SVOPL: variants seen among roughly 807,000 people sequenced by gnomAD.
The protein encoded by SVOPL is SVOP like, also known as putative transporter SVOPL.
SVOPL carries 60 observed loss-of-function variants against 61.0 expected under a neutral mutation model. The observed-to-expected ratio is 0.98, with a 90% CI of 0.80 to 1.22. The LOEUF is 1.22. Among genes scored for constraint, SVOPL ranks in the 50% most tolerant of loss-of-function variants. The pLI is 0.00. For missense variants in SVOPL, 662 were observed against 643.9 expected, an observed-to-expected ratio of 1.03 and a Z score of -0.30; for synonymous variants, 279 against 250.0, an observed-to-expected ratio of 1.12 and a Z score of -1.09.
At chr7:138,659,492 G>GAAAA (rs11295502) in intron 6 of SVOPL, among the ~76,000 whole-genome samples, 1 of 140,112 alleles carries the variant, frequency 7.1e-6, no homozygotes. Flanking sequence ...ACTCTATCTC[G>GAAAA]AAAAAAAAAA....
chr7:138,656,473 C>G lies in SVOPL; in HGVS notation c.509G>C (p.Arg170Pro). 6.2e-7 allele frequency: 1 copy of G among 1,613,912 alleles called. No individual in the cohort carries two copies. The highest frequency in any genetic ancestry group is 8.5e-7 in the Non-Finnish European group (1 of 1,179,976). Residue 170 changes from arginine to proline, a missense_variant, in exon 7 of 16, where the codon CGA becomes CCA. By Grantham distance (103) the Arg-to-Pro change is moderately radical. Transcript: ENST00000674285. The part of the protein sequence containing the change: ...IKTEFLPTKY[R>P]GYMLPLSQVF... ...CTGAGACAAGGGTAACATATAGCCT[C>G]GGTATTTCGTGGGCAAAAATTCAGT...
chr7:138,661,008 A>G (rs1801977723), intron 5 of SVOPL: 1 of 982,950 alleles, frequency 1.0e-6, no homozygotes, highest in South Asian at 4.7e-5. Context: ...AAGTTTCTTG[A>G]TAATTTGTAT....
intron 7 of SVOPL, 87 bp from the exon 8 acceptor site, chr7:138,649,224 A>T (rs1801300657): frequency 6.9e-7 from 1 of 1,453,508 alleles, no homozygotes. Flanking sequence ...TTTTAGAAAG[A>T]TTAAAATTCC....
chr7:138,694,141 C>T (rs1803014272), intron 1 of SVOPL, among the ~76,000 whole-genome samples: 1 of 152,234 alleles, frequency 6.6e-6, no homozygotes, highest in Admixed American at 6.5e-5. Context: ...CATTGGATGA[C>T]AGAATTCTTG....
intron 5 of SVOPL, chr7:138,660,426 T>C (rs1801953218): frequency 2.0e-6 from 2 of 986,744 alleles, no homozygotes; most frequent in East Asian, 1.1e-4. Flanking sequence ...AATTAAGAAA[T>C]TGAAATCACC....
intron 1 of SVOPL, among the ~76,000 whole-genome samples, chr7:138,699,700 T>C (rs887886684): frequency 2.0e-5 from 3 of 152,184 alleles, no homozygotes; most frequent in African/African-American, 7.2e-5. Context: ...AAACTTCAGT[T>C]CTTCCAAAGG....
chr7:138,636,477 T>C (rs1232237238), intron 9 of SVOPL, among the ~76,000 whole-genome samples: 1 of 142,836 alleles, frequency 7.0e-6, no homozygotes, highest in Non-Finnish European at 1.5e-5. Context: ...AGGATTTTTC[T>C]TTTTTTTTTT....
At chr7:138,652,959 C>G (rs1005479993) in intron 7 of SVOPL, among the ~76,000 whole-genome samples, 3 of 152,126 alleles carry the variant, frequency 2.0e-5, no homozygotes, top group Admixed American at 6.6e-5. Context: ...AAGTGCTACC[C>G]CAGTGAACAA....
chr7:138,678,715 C>T (rs1376209465), intron 2 of SVOPL, among the ~76,000 whole-genome samples, 190 bp from the exon 3 acceptor site: 1 of 152,122 alleles, frequency 6.6e-6, no homozygotes, highest in East Asian at 1.9e-4. Context: ...AGATTACACA[C>T]ACCCACTGCC....
intron 14 of SVOPL, among the ~76,000 whole-genome samples, chr7:138,606,124 C>T (rs1443064700): frequency 1.3e-5 from 2 of 152,054 alleles, no homozygotes; most frequent in East Asian, 1.9e-4. Flanking sequence ...TCTATGCACA[C>T]GTCCTGGTCC....
At chr7:138,625,865 T>C (rs1799867822) in intron 13 of SVOPL, 104 bp downstream of exon 13, 2 of 1,122,974 alleles carry the variant, frequency 1.8e-6, no homozygotes, top group Non-Finnish European at 2.5e-6. Flanking sequence ...TTTTAGAAAA[T>C]CATCAAAAGT....
chr7:138,687,228 C>CTTTTTT (rs71179722), intron 1 of SVOPL, among the ~76,000 whole-genome samples: 74 of 77,006 alleles, frequency 9.6e-4, no homozygotes, highest in Non-Finnish European at 1.1e-3. Flanking sequence ...CTTTTTTCCT[C>CTTTTTT]TTTTTTTTTT....
At chr7:138,677,430 T>C (rs1267342251) in intron 3 of SVOPL, among the ~76,000 whole-genome samples, 1 of 152,208 alleles carries the variant, frequency 6.6e-6, no homozygotes, top group African/African-American at 2.4e-5. Flanking sequence ...ATTAACCCTA[T>C]AGATCGTGAC....
chr7:138,630,391 T>C (rs1584803842), intron 9 of SVOPL, among the ~76,000 whole-genome samples: 1 of 152,152 alleles, frequency 6.6e-6, no homozygotes, highest in East Asian at 1.9e-4. Context: ...TTGCTCTTCC[T>C]CTGCCCACCA....
At chr7:138,684,102 C>A (rs962280793) in intron 1 of SVOPL, among the ~76,000 whole-genome samples, 1 of 151,480 alleles carries the variant, frequency 6.6e-6, no homozygotes, top group African/African-American at 2.4e-5. Flanking sequence ...CAGCGGCTCA[C>A]GTCTATAATC....
intron 7 of SVOPL, among the ~76,000 whole-genome samples, chr7:138,650,487 G>A (rs1185374422): frequency 6.6e-6 from 1 of 151,734 alleles, no homozygotes; most frequent in Non-Finnish European, 1.5e-5. Context: ...ACCTAGGTCT[G>A]AAGGTTAAGG....
intron 5 of SVOPL, chr7:138,661,614 T>C (rs1802004140): frequency 1.0e-6 from 1 of 985,156 alleles, no homozygotes; most frequent in South Asian, 4.7e-5. Context: ...TCATCCATTA[T>C]CTCCATGTTT....
intron 8 of SVOPL, among the ~76,000 whole-genome samples, chr7:138,648,533 CAAAAAAAAAAAA>C (rs61171485): frequency 6.8e-5 from 5 of 73,788 alleles, no homozygotes; most frequent in South Asian, 4.1e-4. Flanking sequence ...ACTAAAAATC[CAAAAAAAAAAAA>C]AAAAAAAAAA....
chr7:138,666,090 G>A (rs926999747), intron 4 of SVOPL, among the ~76,000 whole-genome samples: 17 of 152,218 alleles, frequency 1.1e-4, no homozygotes, highest in Non-Finnish European at 2.5e-4. Flanking sequence ...TGATGCCACC[G>A]TTGTTACTGA....
Sources: gnomAD v4.1 joint callset for allele counts (sites outside exome capture counted in the v4.1 genomes callset) on GRCh38, gnomAD v4.1.1 for gene constraint, MANE v1.5 for transcripts, NCBI Gene and HGNC (gene_info 2026-07-23, HGNC 2026-07-21) for gene names.